Variants in NKAIN2 observed in about 807,000 individuals in gnomAD.
The protein encoded by NKAIN2 is sodium/potassium-transporting ATPase subunit beta-1-interacting protein 2.
Under a neutral mutation model 32.6 loss-of-function variants are expected in NKAIN2, and 14 were observed. That is an observed-to-expected ratio of 0.43 (90% CI 0.28 to 0.67). NKAIN2 has a LOEUF of 0.67. Ranked by LOEUF, NKAIN2 falls within the 30% of genes least tolerant of loss-of-function variation. The pLI, the probability that NKAIN2 is intolerant of heterozygous loss-of-function variation, is 0.17. For synonymous variants in NKAIN2, 80 were observed against 87.2 expected, an observed-to-expected ratio of 0.92 and a Z score of 0.46; for missense variants, 198 against 258.3, an observed-to-expected ratio of 0.77 and a Z score of 1.60.
chr6:124,789,614 A>G (rs556984913), intron 4 of NKAIN2, among the ~76,000 whole-genome samples: 1 of 152,088 alleles, frequency 6.6e-6, no homozygotes, highest in African/African-American at 2.4e-5. Context: ...AAAATGCTCA[A>G]ATCACTATGT....
intron 1 of NKAIN2, among the ~76,000 whole-genome samples, chr6:124,234,394 G>A (rs1364370029): frequency 6.6e-6 from 1 of 152,094 alleles, no homozygotes; most frequent in African/African-American, 2.4e-5. Flanking sequence ...GACCTTATTG[G>A]TGGTGTCCAG....
chr6:124,446,720 T>C (rs1302610323), intron 3 of NKAIN2, among the ~76,000 whole-genome samples: 1 of 150,700 alleles, frequency 6.6e-6, no homozygotes, highest in African/African-American at 2.5e-5. Flanking sequence ...ATGGGGTCTC[T>C]ATGAAACGTG....
rs550798086 is a variant in NKAIN2 at position 124,344,618 on chromosome 6, A to T, written c.193-10649A>T. Among the ~76,000 whole-genome samples, 34 of 152,010 alleles carry T rather than the reference A, an allele frequency of 2.2e-4. No homozygotes were observed. The South Asian group carries it at 6.7e-3, about 30-fold the overall frequency. Reference sequence around the variant, plus strand: ...AATTGTGAATGGGAGTTCACTCATGATTTGGCTCTCTGTTTGTCTGTTATT... The same window carrying T: ...AATTGTGAATGGGAGTTCACTCATGTTTTGGCTCTCTGTTTGTCTGTTATT... On this transcript the variant is annotated intron_variant, in intron 2 of 6. Transcript: ENST00000368417.
chr6:124,281,906 A>T (rs1795314482), intron 1 of NKAIN2, among the ~76,000 whole-genome samples: 1 of 152,218 alleles, frequency 6.6e-6, no homozygotes, highest in Non-Finnish European at 1.5e-5. Flanking sequence ...AGGGATTTTA[A>T]AATCATCATT....
chr6:123,890,206 T>C (rs1302971987), intron 1 of NKAIN2, among the ~76,000 whole-genome samples: 1 of 152,090 alleles, frequency 6.6e-6, no homozygotes, highest in African/African-American at 2.4e-5. Flanking sequence ...ATTCATTATA[T>C]CATCAAAGAT....
In NKAIN2 at chr6:123,804,007, T is replaced by TGCCGCC. The variant is rs531771934; in HGVS notation, c.-179_-174dup. On this transcript the variant is annotated 5_prime_UTR_variant, in exon 1 of 7. Transcript: ENST00000368417. ...TATGTGTGGCGGGCGCGGCTGGAGC[T>TGCCGCC]GCCGCCGCCGCCGCCGCCGCGCCAG... 1.5e-4 allele frequency: 88 copies of TGCCGCC among 599,208 alleles called. No individual in the cohort carries two copies. The highest frequency in any genetic ancestry group is 2.8e-4 in the African/African-American group (15 of 53,102). The allele number at this position is 599,208 out of a possible 1,614,324, so 37.1% of individuals were successfully genotyped here.
At chr6:124,331,604 G>A (rs1309214495) in intron 2 of NKAIN2, among the ~76,000 whole-genome samples, 1 of 151,722 alleles carries the variant, frequency 6.6e-6, no homozygotes, top group Non-Finnish European at 1.5e-5. Context: ...ATAGGGCTCA[G>A]GATTTTACAA....
chr6:124,815,231 T>TACATAC (rs1402713508), intron 5 of NKAIN2, among the ~76,000 whole-genome samples: 1 of 136,102 alleles, frequency 7.3e-6, no homozygotes, highest in Non-Finnish European at 1.5e-5. Context: ...TATACATATA[T>TACATAC]ATATATATAT....
At chr6:124,632,345 A>ATAAG (rs903977452) in intron 3 of NKAIN2, among the ~76,000 whole-genome samples, 7 of 152,190 alleles carry the variant, frequency 4.6e-5, no homozygotes, top group South Asian at 2.1e-4. Flanking sequence ...ATAAGAAGGC[A>ATAAG]TAAGTTATGG....
chr6:124,815,323 G>T (rs1781114255), intron 5 of NKAIN2, among the ~76,000 whole-genome samples: 1 of 145,904 alleles, frequency 6.9e-6, no homozygotes, highest in African/African-American at 2.5e-5. Flanking sequence ...CACCCAGCTG[G>T]AGTGCAATGG....
chr6:124,672,895 C>T (rs1014517280), intron 4 of NKAIN2, among the ~76,000 whole-genome samples: 1 of 152,168 alleles, frequency 6.6e-6, no homozygotes, highest in African/African-American at 2.4e-5. Context: ...TTGTAAAAAA[C>T]ACATGACCTG....
At chr6:124,246,753 AC>A (rs1293990976) in intron 1 of NKAIN2, among the ~76,000 whole-genome samples, 30 of 152,054 alleles carry the variant, frequency 2.0e-4, no homozygotes, top group Admixed American at 2.0e-3. Context: ...GGGAGCTATC[AC>A]CCGTTTTCTC....
chr6:123,965,586 G>T (rs1031102445), intron 1 of NKAIN2, among the ~76,000 whole-genome samples: 3 of 152,020 alleles, frequency 2.0e-5, no homozygotes, highest in African/African-American at 7.2e-5. Context: ...CATATCCTGC[G>T]ATCTAACCAA....
At chr6:124,394,836 CA>C (rs957384506) in intron 3 of NKAIN2, among the ~76,000 whole-genome samples, 4 of 152,052 alleles carry the variant, frequency 2.6e-5, no homozygotes, top group African/African-American at 9.7e-5. Flanking sequence ...AGTGTTTGAC[CA>C]AATGTCTGAA....
At chr6:124,462,579 T>C (rs1244035801) in intron 3 of NKAIN2, among the ~76,000 whole-genome samples, 3 of 152,000 alleles carry the variant, frequency 2.0e-5, no homozygotes, top group Non-Finnish European at 4.4e-5. Context: ...TTTTTATATA[T>C]CTCAGGCTGC....
intron 2 of NKAIN2, among the ~76,000 whole-genome samples, chr6:124,296,603 T>C (rs1201704034): frequency 6.6e-6 from 1 of 152,184 alleles, no homozygotes. Context: ...TGTTGGAGAA[T>C]GGTGTACAAA....
At chr6:124,687,268 CTATA>C (rs761727639) in intron 4 of NKAIN2, among the ~76,000 whole-genome samples, 17 of 136,272 alleles carry the variant, frequency 1.2e-4, no homozygotes, top group Non-Finnish European at 2.0e-4. Flanking sequence ...TATATTCTCT[CTATA>C]TATAGAGAGA....
intron 5 of NKAIN2, among the ~76,000 whole-genome samples, chr6:124,807,844 T>C (rs1780662951): frequency 6.6e-6 from 1 of 150,698 alleles, no homozygotes; most frequent in Admixed American, 6.6e-5. Flanking sequence ...CGTCAGAGAA[T>C]ACTACAAACA....
intron 3 of NKAIN2, among the ~76,000 whole-genome samples, chr6:124,638,267 A>G (rs1187788839): frequency 1.3e-5 from 2 of 151,794 alleles, no homozygotes; most frequent in African/African-American, 4.8e-5. Context: ...TCAACTCAAA[A>G]TGGGTGAAAG....
Sources: allele counts gnomAD v4.1 joint callset (sites outside exome capture counted in the v4.1 genomes callset), GRCh38; gene constraint gnomAD v4.1.1; transcripts MANE v1.5; gene names NCBI Gene and HGNC (gene_info 2026-07-23, HGNC 2026-07-21).